The following CDH4 variants were observed in gnomAD, a reference collection of about 807,000 sequenced individuals.
CDH4 encodes the protein cadherin-4.
A neutral mutation model predicts 86.0 loss-of-function variants in CDH4; 33 were observed. The observed-to-expected ratio is 0.38, with a 90% CI of 0.29 to 0.51. The LOEUF (loss-of-function observed/expected upper bound fraction) is 0.51, where lower values mean the gene tolerates loss of function less well. CDH4 is among the 20% of genes least tolerant of loss of function. The probability of loss-of-function intolerance (pLI) is 0.86; values close to 1 mark genes in which losing one functional copy is unlikely to be tolerated. For missense variants in CDH4, 1,114 were observed against 1,307.4 expected, an observed-to-expected ratio of 0.85 and a Z score of 2.28; for synonymous variants, 555 against 549.4, an observed-to-expected ratio of 1.01 and a Z score of -0.14.
At chr20:61,462,212 G>T (rs2085447945) in intron 2 of CDH4, among the ~76,000 whole-genome samples, 1 of 152,210 alleles carries the variant, frequency 6.6e-6, no homozygotes. Flanking sequence ...CTTGTTACAG[G>T]TTTGAATTTT....
At chr20:61,616,900 G>A (rs926946834) in intron 2 of CDH4, among the ~76,000 whole-genome samples, 2 of 152,116 alleles carry the variant, frequency 1.3e-5, no homozygotes, top group Non-Finnish European at 2.9e-5. Context: ...GTTCTTCCTG[G>A]GTCCTGGGGC....
intron 2 of CDH4, among the ~76,000 whole-genome samples, chr20:61,695,435 G>A (rs2087705706): frequency 6.6e-6 from 1 of 152,194 alleles, no homozygotes; most frequent in African/African-American, 2.4e-5. Context: ...AGGTTGCTCA[G>A]GAGAAACTGA....
At chr20:61,537,533 C>T (rs572082420) in intron 2 of CDH4, among the ~76,000 whole-genome samples, 5 of 152,144 alleles carry the variant, frequency 3.3e-5, no homozygotes, top group Non-Finnish European at 5.9e-5. Context: ...ACTTTCTCCA[C>T]GGTAAACATA....
At chr20:61,585,275 C>T (rs2086460512) in intron 2 of CDH4, among the ~76,000 whole-genome samples, 1 of 152,218 alleles carries the variant, frequency 6.6e-6, no homozygotes, top group South Asian at 2.1e-4. Context: ...TGGTCATTTC[C>T]AGCGTTTTCC....
chr20:61,472,857 A>T (rs558437494), intron 2 of CDH4, among the ~76,000 whole-genome samples: 2 of 152,212 alleles, frequency 1.3e-5, no homozygotes, highest in Non-Finnish European at 2.9e-5. Flanking sequence ...TGAATCATCT[A>T]TTCTCATTTT....
chr20:61,386,583 G>T (rs1206531213), intron 2 of CDH4, among the ~76,000 whole-genome samples: 2 of 152,238 alleles, frequency 1.3e-5, no homozygotes, highest in Admixed American at 1.3e-4. Context: ...GCACCATGAG[G>T]TTAGAGAGGC....
chr20:61,698,438 T>G (rs1356100211), intron 2 of CDH4, among the ~76,000 whole-genome samples: 1 of 152,196 alleles, frequency 6.6e-6, no homozygotes, highest in Admixed American at 6.5e-5. Flanking sequence ...GTGCTTCCCA[T>G]TCAGGGGAAG....
chr20:61,695,638 A>C (rs1172898775), intron 2 of CDH4, among the ~76,000 whole-genome samples: 1 of 152,192 alleles, frequency 6.6e-6, no homozygotes, highest in Non-Finnish European at 1.5e-5. Flanking sequence ...GAGAGCAGTG[A>C]ACCCCTGGAT....
intron 2 of CDH4, among the ~76,000 whole-genome samples, chr20:61,410,119 G>A (rs1014398670): frequency 6.6e-6 from 1 of 152,248 alleles, no homozygotes; most frequent in Non-Finnish European, 1.5e-5. Flanking sequence ...AGATGGGACA[G>A]GCTAGATGTA....
At chr20:61,605,076 T>C (rs2086632255) in intron 2 of CDH4, among the ~76,000 whole-genome samples, 1 of 152,138 alleles carries the variant, frequency 6.6e-6, no homozygotes, top group African/African-American at 2.4e-5. Flanking sequence ...CAAGTCTCCA[T>C]CAAATGCAAT....
intron 2 of CDH4, among the ~76,000 whole-genome samples, chr20:61,522,321 C>T (rs563830819): frequency 2.0e-5 from 3 of 152,174 alleles, no homozygotes; most frequent in Non-Finnish European, 4.4e-5. Flanking sequence ...TCCCAGACCC[C>T]AAGGGATGGG....
chr20:61,866,233 A>C (rs1983543990), intron 6 of CDH4, among the ~76,000 whole-genome samples: 1 of 152,160 alleles, frequency 6.6e-6, no homozygotes, highest in Admixed American at 6.5e-5. Context: ...TGCTTGGCAC[A>C]GAGGGATGTT....
At chr20:61,851,723 G>A (rs924009672) in intron 5 of CDH4, among the ~76,000 whole-genome samples, 4 of 152,128 alleles carry the variant, frequency 2.6e-5, no homozygotes, top group South Asian at 2.1e-4. Flanking sequence ...CTCGCCTGCC[G>A]GCAGCGCCCA....
At chr20:61,886,266 C>T (rs905927958) in intron 7 of CDH4, among the ~76,000 whole-genome samples, 9 of 152,188 alleles carry the variant, frequency 5.9e-5, no homozygotes, top group African/African-American at 2.2e-4. Context: ...GCCGGCCAGC[C>T]GATGCTGGGT....
intron 6 of CDH4, among the ~76,000 whole-genome samples, chr20:61,862,066 G>T (rs1385376455): frequency 4.6e-5 from 7 of 152,156 alleles, no homozygotes; most frequent in Non-Finnish European, 1.5e-5. Flanking sequence ...CCTCAGCCCA[G>T]GGCGCTGTCC....
At chr20:61,299,349 ACT>A (rs1164895918) in intron 2 of CDH4, among the ~76,000 whole-genome samples, 1 of 151,996 alleles carries the variant, frequency 6.6e-6, no homozygotes, top group Non-Finnish European at 1.5e-5. Flanking sequence ...CCCTGCAGAC[ACT>A]CTGATCTCCG....
chr20:61,718,127 C>A (rs979674930), intron 2 of CDH4: 3 of 152,848 alleles, frequency 2.0e-5, no homozygotes, highest in Non-Finnish European at 4.4e-5. Context: ...GGAGCACCCA[C>A]ACTGTGGGGG....
At chr20:61,591,067 C>T (rs2086516147) in intron 2 of CDH4, among the ~76,000 whole-genome samples, 1 of 152,070 alleles carries the variant, frequency 6.6e-6, no homozygotes, top group South Asian at 2.1e-4. Flanking sequence ...GGGCTAGATC[C>T]ACTGATAGGT....
intron 3 of CDH4, among the ~76,000 whole-genome samples, chr20:61,761,276 G>C (rs1021254359): frequency 6.6e-6 from 1 of 152,156 alleles, no homozygotes; most frequent in Non-Finnish European, 1.5e-5. Flanking sequence ...AAGCTATAAG[G>C]AAGCAATGAG....
Sources: gnomAD v4.1 joint callset for allele counts (sites outside exome capture counted in the v4.1 genomes callset) on GRCh38, gnomAD v4.1.1 for gene constraint, MANE v1.5 for transcripts, NCBI Gene and HGNC (gene_info 2026-07-23, HGNC 2026-07-21) for gene names.